Variants in FRRS1 observed in about 807,000 individuals in gnomAD.
FRRS1 encodes ferric reductase 1.
In FRRS1, 51 loss-of-function variants were observed where a neutral mutation model predicts 70.7. That is an observed-to-expected ratio of 0.72 (90% CI 0.58 to 0.91). FRRS1 has a LOEUF of 0.91. Ranked by LOEUF, FRRS1 falls within the 40% of genes least tolerant of loss-of-function variation. FRRS1 has a pLI of 0.00. For missense variants in FRRS1, 672 were observed against 726.0 expected, an observed-to-expected ratio of 0.93 and a Z score of 0.86; for synonymous variants, 225 against 238.7, an observed-to-expected ratio of 0.94 and a Z score of 0.53.
chr1:99,717,565 G>T (rs772214974), intron 10 of FRRS1, 40 bp from the exon 11 acceptor site: 2 of 1,363,934 alleles, frequency 1.5e-6, no homozygotes, highest in South Asian at 1.2e-5. Context: ...AATCACAAAC[G>T]AATCAAGCCA....
chr1:99,716,027 T>C (rs1406735426), intron 11 of FRRS1, among the ~76,000 whole-genome samples: 1 of 152,214 alleles, frequency 6.6e-6, no homozygotes, highest in Non-Finnish European at 1.5e-5. Context: ...CACAGTGCTA[T>C]GACAGGTGCA....
In FRRS1 at chr1:99,738,925, T is replaced by C. The variant is rs571208761; in HGVS notation, c.577-657A>G. Reference sequence around the variant, plus strand: ...TTGATAAGGAATATAAGACGAAGAGTCTTAGAAAAAAAAATCAGCTGTATA... The same window carrying C: ...TTGATAAGGAATATAAGACGAAGAGCCTTAGAAAAAAAAATCAGCTGTATA... On this transcript the variant is annotated intron_variant, in intron 6 of 16. Transcript: ENST00000646001. 2.8e-4 allele frequency among the ~76,000 whole-genome samples: 43 copies of C among 151,664 alleles called. 1 individual carries two copies. The East Asian group carries it at 6.6e-3, about 23-fold the overall frequency.
intron 7 of FRRS1, among the ~76,000 whole-genome samples, chr1:99,730,952 C>A (rs1655349058): frequency 6.6e-6 from 1 of 151,732 alleles, no homozygotes; most frequent in Admixed American, 6.6e-5. Flanking sequence ...AGGAGAATCA[C>A]TTGAGCCCAG....
chr1:99,710,695 T>C (rs1654231673), intron 15 of FRRS1, 111 bp downstream of exon 15: 1 of 905,726 alleles, frequency 1.1e-6, no homozygotes, highest in Admixed American at 2.8e-5. Context: ...GATCACAAGT[T>C]TTTAGTGAGC....
At position 99,748,761 on chromosome 1, in the gene FRRS1, A is replaced by G. The variant is rs201239295; in HGVS notation, c.8T>C (p.Val3Ala). MAVSGFTLGTCIL... is the reference protein window; with the variant it reads MAASGFTLGTCIL... ...GCAGGTACCAAGAGTAAATCCAGAA[A>G]CTGCCATCTCAAAAAGAAGGGTAAA... Residue 3 changes from valine (V) to alanine (A), a missense_variant, in exon 3 of 17, where the codon GTT (valine) becomes GCT (alanine). Coordinates refer to ENST00000646001, the MANE Select transcript of FRRS1 (RefSeq NM_001361041.2). The G allele has an allele frequency of 5.9e-5, 95 of 1,612,634 alleles. No homozygotes were observed. The highest frequency in any genetic ancestry group is 7.7e-5 in the Non-Finnish European group (91 of 1,179,224).
chr1:99,728,717 C>A, intron 8 of FRRS1, 77 bp from the exon 9 acceptor site: 1 of 1,281,820 alleles, frequency 7.8e-7, no homozygotes, highest in South Asian at 1.5e-5. Context: ...AAATCCTGCC[C>A]TGTTCAGTTT....
Position 99,705,763 on chromosome 1 carries a change from C to A in FRRS1, c.*3265G>T, listed in dbSNP as rs897696964. On this transcript the variant is annotated 3_prime_UTR_variant, in exon 17 of 17. Transcript: ENST00000646001. ...GCAGACCAGAGAATTTTTTTATTGC[C>A]TCAGCTATTAATGCCAGCCCAACCA... 1.3e-5 allele frequency among the ~76,000 whole-genome samples: 2 copies of A among 152,128 alleles called. No individual in the cohort carries two copies. The highest frequency in any genetic ancestry group is 2.9e-5 in the Non-Finnish European group (2 of 68,020).
In FRRS1 at chr1:99,740,954, C is replaced by A; in HGVS notation, c.429-14G>T. The stretch of plus-strand genomic sequence containing the variant: ...ACAACTGTGACTCTGAAATGCAATA[C>A]CAGTGAGATTAGAACCCTAATTGTG... On this transcript the variant is annotated splice_polypyrimidine_tract_variant and intron_variant, in intron 5 of 16. Transcript: ENST00000646001. 2.5e-6 allele frequency: 4 copies of A among 1,608,416 alleles called. No individual in the cohort carries two copies. The highest frequency in any genetic ancestry group is 3.4e-6 in the Non-Finnish European group (4 of 1,175,064).
chr1:99,724,268 T>C (rs940516213), intron 9 of FRRS1, among the ~76,000 whole-genome samples: 17 of 152,242 alleles, frequency 1.1e-4, no homozygotes, highest in African/African-American at 3.4e-4. Context: ...ATAGGTTACC[T>C]ACAGTATTCC....
chr1:99,757,606 C>T (rs1209586837), intron 1 of FRRS1, among the ~76,000 whole-genome samples: 1 of 152,140 alleles, frequency 6.6e-6, no homozygotes, highest in Non-Finnish European at 1.5e-5. Context: ...ACGCAGTAAT[C>T]CTTAAGTCAC....
At chr1:99,719,394 C>T (rs1428784456) in intron 10 of FRRS1, 140 bp downstream of exon 10, 75 of 518,036 alleles carry the variant, frequency 1.4e-4, no homozygotes, top group Non-Finnish European at 1.8e-4. Context: ...GGTGACAGAG[C>T]GAGACTCCAT....
rs564230512 is a variant in FRRS1, at chr1:99,730,344, G to A, written c.760-596C>T. On this transcript the variant is annotated intron_variant, in intron 7 of 16. Coordinates refer to ENST00000646001, the MANE Select transcript of FRRS1 (RefSeq NM_001361041.2). ...TGAGGCAAAAATACCTGCACTCAAG[G>A]AGGAATTAGTCAAACAATCTACCTC... Among the ~76,000 whole-genome samples the A allele has an allele frequency of 2.6e-5, 4 of 152,266 alleles. No homozygotes were observed. The South Asian group carries it at 8.3e-4, about 32-fold the overall frequency.
In FRRS1 at chr1:99,748,578, A is replaced by G. The variant is rs865952472; in HGVS notation, c.191T>C (p.Ile64Thr). Reference sequence around the variant, plus strand: ...AGTTAATCCCAGCACGGTACCTTCAATCTGATCTCCTGGCCTGAATGTCAT... The same window carrying G: ...AGTTAATCCCAGCACGGTACCTTCAGTCTGATCTCCTGGCCTGAATGTCAT... ...SQMTFRPGDQ[I>T]EVTLSGHPFK... The change falls in exon 3 of 17, where the codon ATT becomes ACT. Residue 64 changes from isoleucine (I) to threonine (T), a missense_variant. Physicochemically the swap from Ile to Thr is moderately conservative, Grantham distance 89. Coordinates refer to ENST00000646001, the MANE Select transcript of FRRS1 (RefSeq NM_001361041.2). 8 of 1,613,314 alleles carry G rather than the reference A, an allele frequency of 5.0e-6. No individual in the cohort carries two copies. The Middle Eastern group carries it at 9.9e-4, about 200-fold the overall frequency.
intron 7 of FRRS1, among the ~76,000 whole-genome samples, chr1:99,733,039 G>C (rs1207895253): frequency 6.6e-6 from 1 of 151,646 alleles, no homozygotes; most frequent in African/African-American, 2.4e-5. Context: ...TAGAGATGAG[G>C]GTCTCGCCAT....
intron 9 of FRRS1, among the ~76,000 whole-genome samples, chr1:99,723,206 G>T (rs192362201): frequency 2.6e-5 from 4 of 152,266 alleles, no homozygotes; most frequent in African/African-American, 7.2e-5. Context: ...ACTCACTATT[G>T]CACAGTTATT....
chr1:99,728,720 T>C (rs1221288389), intron 8 of FRRS1, 80 bp from the exon 9 acceptor site: 3 of 1,215,326 alleles, frequency 2.5e-6, no homozygotes, highest in African/African-American at 3.0e-5. Flanking sequence ...TCCTGCCCTG[T>C]TCAGTTTCCT....
intron 1 of FRRS1, among the ~76,000 whole-genome samples, chr1:99,756,806 T>C (rs1656857776): frequency 6.6e-6 from 1 of 152,212 alleles, no homozygotes; most frequent in Non-Finnish European, 1.5e-5. Flanking sequence ...TATATTGCAT[T>C]CAAGTTCTAG....
In FRRS1 at chr1:99,728,510, T is replaced by C. The variant is rs1459214227; in HGVS notation, c.989A>G (p.Asp330Gly). 1.2e-6 allele frequency: 2 copies of C among 1,611,956 alleles called. No individual in the cohort carries two copies. Among genetic ancestry groups the C allele is most frequent in the Non-Finnish European group, 1.7e-6 (2 of 1,178,338 alleles). Reference sequence around the variant, plus strand: ...ATACTTACCATCATTAGCTGCACCATCTGCTAGAAATATGTAATAGCTTGT... The same window carrying C: ...ATACTTACCATCATTAGCTGCACCACCTGCTAGAAATATGTAATAGCTTGT... The part of the protein sequence containing the change: ...LNTSYYIFLA[D>G]GAANDGRIYK... Residue 330 changes from aspartate (D) to glycine (G), a missense_variant, in exon 9 of 17, where the codon GAT (aspartate) becomes GGT (glycine). Physicochemically the swap from Asp to Gly is moderately conservative, Grantham distance 94 (BLOSUM62 -1). Transcript: ENST00000646001.
At chr1:99,720,494 T>C (rs1654760222) in intron 9 of FRRS1, among the ~76,000 whole-genome samples, 1 of 151,978 alleles carries the variant, frequency 6.6e-6, no homozygotes, top group Non-Finnish European at 1.5e-5. Context: ...ATATAACAAA[T>C]ATATATATAT....
Sources: gnomAD v4.1 joint callset for allele counts (sites outside exome capture counted in the v4.1 genomes callset) on GRCh38, gnomAD v4.1.1 for gene constraint, MANE v1.5 for transcripts, NCBI Gene and HGNC (gene_info 2026-07-23, HGNC 2026-07-21) for gene names.